The following ADAM2 variants were observed in gnomAD, a reference collection of about 807,000 sequenced individuals.
The protein encoded by ADAM2 is ADAM metallopeptidase domain 2, also known as disintegrin and metalloproteinase domain-containing protein 2.
ADAM2 carries 101 observed loss-of-function variants against 99.3 expected under a neutral mutation model. That is an observed-to-expected ratio of 1.02 (90% confidence interval 0.87 to 1.20). The LOEUF is 1.20. Ranked by LOEUF, ADAM2 falls within the 50% of genes most tolerant of loss-of-function variation. The pLI is 0.00. For missense variants in ADAM2, 948 were observed against 878.7 expected (o/e 1.08, Z -1.00); for synonymous variants, 323 against 287.6 (o/e 1.12, Z -1.25).
intron 18 of ADAM2, among the ~76,000 whole-genome samples, chr8:39,747,649 A>C (rs1360870776): frequency 6.6e-6 from 1 of 152,190 alleles, no homozygotes; most frequent in Non-Finnish European, 1.5e-5. Context: ...CTTGTGGAGA[A>C]TGAAAATTAG....
chr8:39,814,112 C>T (rs1804819517), intron 6 of ADAM2, among the ~76,000 whole-genome samples: 2 of 151,866 alleles, frequency 1.3e-5, no homozygotes, highest in Admixed American at 1.3e-4. Flanking sequence ...AATCCCAGCA[C>T]TTTGGGAGGC....
At chr8:39,828,497 G>C (rs1805497791) in intron 3 of ADAM2, among the ~76,000 whole-genome samples, 1 of 151,588 alleles carries the variant, frequency 6.6e-6, no homozygotes, top group South Asian at 2.1e-4. Flanking sequence ...ATCGGATAGA[G>C]GCAATGAAGA....
intron 7 of ADAM2, among the ~76,000 whole-genome samples, chr8:39,794,249 C>T (rs1803842828): frequency 6.6e-6 from 1 of 151,920 alleles, no homozygotes; most frequent in Non-Finnish European, 1.5e-5. Flanking sequence ...AATGGTATTG[C>T]CAACATTAAT....
chr8:39,821,564 T>G, intron 5 of ADAM2, 22 bp downstream of exon 5: 2 of 1,508,598 alleles, frequency 1.3e-6, no homozygotes, highest in Middle Eastern at 1.7e-4. Flanking sequence ...ATTTTGTAAT[T>G]CATAAAACAG....
At chr8:39,804,312 G>A (rs992546716) in intron 7 of ADAM2, among the ~76,000 whole-genome samples, 2 of 152,182 alleles carry the variant, frequency 1.3e-5, no homozygotes, top group African/African-American at 4.8e-5. Context: ...AATGGCAAGG[G>A]AGTTGCAGGT....
intron 7 of ADAM2, among the ~76,000 whole-genome samples, chr8:39,807,043 G>A (rs1804469884): frequency 6.6e-6 from 1 of 152,162 alleles, no homozygotes; most frequent in Non-Finnish European, 1.5e-5. Flanking sequence ...TCCACAGTTT[G>A]GATGGCCTTT....
intron 7 of ADAM2, among the ~76,000 whole-genome samples, chr8:39,801,942 T>G (rs1239045894): frequency 6.6e-5 from 10 of 151,930 alleles, no homozygotes; most frequent in Non-Finnish European, 1.5e-5. Context: ...CTTAGGCAGT[T>G]GCTAGTCCCA....
chr8:39,758,828 G>A (rs1430098772), intron 15 of ADAM2, among the ~76,000 whole-genome samples: 2 of 151,880 alleles, frequency 1.3e-5, no homozygotes, highest in African/African-American at 4.8e-5. Context: ...TCAAAATTAA[G>A]AGAATTTGAG....
chr8:39,788,252 C>A lies in ADAM2; in HGVS notation c.643-1G>T, dbSNP rs750036607. ...TTGTAATATTAAATGAAACAAAAAT[C>A]TAAAATAGAAAACATACAAAAGTGT... On this transcript the variant is annotated splice_acceptor_variant, in intron 8 of 20. Transcript: ENST00000265708. LOFTEE classifies it high-confidence loss of function. The A allele has an allele frequency of 2.0e-6, 3 of 1,488,202 alleles. No individual in the cohort carries two copies. The highest frequency in any genetic ancestry group is 2.7e-5 in the South Asian group (2 of 73,614). The allele number at this position is 1,488,202 out of a possible 1,614,324, so 92.2% of individuals were successfully genotyped here. A position where few individuals can be genotyped will look rare whatever the true frequency, so the allele number is the denominator to read the frequency against.
chr8:39,802,769 G>A (rs994149916), intron 7 of ADAM2, among the ~76,000 whole-genome samples: 2 of 152,086 alleles, frequency 1.3e-5, no homozygotes, highest in African/African-American at 4.8e-5. Flanking sequence ...AAAAAAAATA[G>A]GCTTTAAGCT....
chr8:39,828,744 C>A (rs999024317), intron 3 of ADAM2, among the ~76,000 whole-genome samples: 1 of 151,750 alleles, frequency 6.6e-6, no homozygotes, highest in African/African-American at 2.4e-5. Context: ...CCAGAGACTT[C>A]TTTATATACA....
chr8:39,786,783 T>C (rs1413632588), intron 10 of ADAM2, among the ~76,000 whole-genome samples, 191 bp downstream of exon 10: 3 of 152,090 alleles, frequency 2.0e-5, no homozygotes, highest in Non-Finnish European at 2.9e-5. Flanking sequence ...GAACTCATGA[T>C]AGGAAATTGA....
At chr8:39,820,426 T>C (rs888240710) in intron 6 of ADAM2, among the ~76,000 whole-genome samples, 1 of 152,010 alleles carries the variant, frequency 6.6e-6, no homozygotes, top group Admixed American at 6.6e-5. Flanking sequence ...AAGCATTGAG[T>C]GGGAAGCAGT....
intron 6 of ADAM2, among the ~76,000 whole-genome samples, chr8:39,818,403 C>A (rs916263609): frequency 1.3e-5 from 2 of 151,938 alleles, no homozygotes; most frequent in Admixed American, 6.6e-5. Context: ...AAATCATTAA[C>A]AAACTAACAC....
chr8:39,800,333 A>G (rs1464878292), intron 7 of ADAM2, among the ~76,000 whole-genome samples: 1 of 152,136 alleles, frequency 6.6e-6, no homozygotes, highest in African/African-American at 2.4e-5. Context: ...TCTTTTCTTT[A>G]AGAATGTTGA....
chr8:39,745,987 ATG>A (rs372267374), intron 19 of ADAM2, among the ~76,000 whole-genome samples: 104 of 145,824 alleles, frequency 7.1e-4, no homozygotes, highest in African/African-American at 2.2e-3. Context: ...ATGCATGTGT[ATG>A]TGTGTGTGTG....
intron 4 of ADAM2, among the ~76,000 whole-genome samples, chr8:39,822,565 A>C (rs1350324766): frequency 2.0e-5 from 3 of 152,028 alleles, no homozygotes; most frequent in Admixed American, 2.0e-4. Flanking sequence ...GCACTTGAAA[A>C]GTATGTGTAT....
chr8:39,802,281 C>T (rs972002552), intron 7 of ADAM2, among the ~76,000 whole-genome samples: 15 of 152,296 alleles, frequency 9.8e-5, no homozygotes, highest in African/African-American at 2.9e-4. Context: ...ACTGCTCTTC[C>T]TTCTTTCCGT....
At chr8:39,763,171 G>A (rs1243675374) in intron 14 of ADAM2, among the ~76,000 whole-genome samples, 3 of 151,992 alleles carry the variant, frequency 2.0e-5, no homozygotes, top group Non-Finnish European at 4.4e-5. Flanking sequence ...GTTACCAGGT[G>A]GCTAGGGCTA....
Sources: allele counts gnomAD v4.1 joint callset (sites outside exome capture counted in the v4.1 genomes callset), GRCh38; gene constraint gnomAD v4.1.1; transcripts MANE v1.5; gene names NCBI Gene and HGNC (gene_info 2026-07-23, HGNC 2026-07-21).